FBXO34: variants seen among roughly 807,000 people sequenced by gnomAD.
FBXO34 encodes F-box only protein 34.
A neutral mutation model predicts 24.5 loss-of-function variants in FBXO34; 12 were observed. The ratio of observed to expected loss-of-function variants is 0.49; its 90% confidence interval spans 0.31 to 0.79. The LOEUF (loss-of-function observed/expected upper bound fraction) is 0.79, where lower values mean the gene tolerates loss of function less well. Among genes scored for constraint, FBXO34 ranks in the 30% least tolerant of loss-of-function variants. The pLI, the probability that FBXO34 is intolerant of heterozygous loss-of-function variation, is 0.04. For synonymous variants in FBXO34, 320 were observed against 311.9 expected (o/e 1.03, Z -0.27); for missense variants, 823 against 857.7 (o/e 0.96, Z 0.51).
chr14:55,384,875 G>A, the FBXO34 span, among the ~76,000 whole-genome samples: 1 of 152,300 alleles, frequency 6.6e-6, no homozygotes, highest in South Asian at 2.1e-4. Context: ...GCAGCATCAG[G>A]GAAGTTTAAA....
At chr14:55,441,092 C>A in the FBXO34 span, among the ~76,000 whole-genome samples, 1 of 152,104 alleles carries the variant, frequency 6.6e-6, no homozygotes, top group Non-Finnish European at 1.5e-5. Flanking sequence ...GTGATCCACC[C>A]GCCTCGGCCT....
At chr14:55,300,381 AG>A (rs1375656249) in intron 1 of FBXO34, among the ~76,000 whole-genome samples, 1 of 152,192 alleles carries the variant, frequency 6.6e-6, no homozygotes, top group Non-Finnish European at 1.5e-5. Flanking sequence ...TCACGAGGTC[AG>A]GAGTTCCAGA....
intron 1 of FBXO34, among the ~76,000 whole-genome samples, chr14:55,324,834 A>G (rs1883287220): frequency 6.6e-6 from 1 of 152,202 alleles, no homozygotes; most frequent in Non-Finnish European, 1.5e-5. Flanking sequence ...AACACCATAC[A>G]CTGGGTGGTT....
rs113024437 is a variant in FBXO34 at position 55,342,357 on chromosome 14, G to A, written c.-10-8024G>A. ...ACAATAAAGGACTTTTCTGTCGTTC[G>A]CCACTAACCCTAACCACCCAGTCCT... On this transcript the variant is annotated intron_variant, in intron 1 of 1. Coordinates refer to ENST00000313833, the MANE Select transcript of FBXO34 (RefSeq NM_017943.4). Among the ~76,000 whole-genome samples, 20 of 152,204 alleles carry A rather than the reference G, an allele frequency of 1.3e-4. No homozygotes were observed. In the South Asian group the frequency reaches 1.7e-3, roughly 13 times the overall value.
rs386381425 is a variant in FBXO34, at chr14:55,327,908, GTTTTTTTTTTTTTTTTTTT to G, written c.-10-22456_-10-22438del. Among the ~76,000 whole-genome samples, 290 of 48,766 alleles carry G rather than the reference GTTTTTTTTTTTTTTTTTTT, an allele frequency of 5.9e-3. 10 individuals are homozygous for G. In the Admixed American group the frequency reaches 0.061, roughly 10 times the overall value. 32.0% of individuals were successfully genotyped at this position (48,766 alleles called of 152,430 possible). On this transcript the variant is annotated intron_variant, in intron 1 of 1. Coordinates refer to ENST00000313833, the MANE Select transcript of FBXO34 (RefSeq NM_017943.4). ...CATATGATTTTCTTTGTTGTTGTTG[GTTTTTTTTTTTTTTTTTTT>G]TTTTTTTTTTTTTTTTGGAGACAGA...
chr14:55,355,678 A>C (rs982164635), downstream of FBXO34, among the ~76,000 whole-genome samples: 1 of 152,236 alleles, frequency 6.6e-6, no homozygotes, highest in Admixed American at 6.5e-5. Context: ...ATTTTCCATC[A>C]GAGACTTGAG....
At chr14:55,280,970 G>A (rs1179782161) in intron 1 of FBXO34, among the ~76,000 whole-genome samples, 1 of 151,734 alleles carries the variant, frequency 6.6e-6, no homozygotes, top group Non-Finnish European at 1.5e-5. Flanking sequence ...ATTAAAAAAG[G>A]AAAAAGAAAC....
intron 1 of FBXO34, among the ~76,000 whole-genome samples, chr14:55,342,645 A>G (rs567482769): frequency 3.9e-5 from 6 of 152,142 alleles, no homozygotes; most frequent in Admixed American, 1.3e-4. Context: ...GCCTCTGCCT[A>G]TATTCACACC....
chr14:55,297,461 G>C (rs150969149), intron 1 of FBXO34, among the ~76,000 whole-genome samples: 15 of 152,154 alleles, frequency 9.9e-5, no homozygotes, highest in African/African-American at 3.6e-4. Flanking sequence ...CCACTTATTA[G>C]GGTTGTTAGG....
At chr14:55,433,004 A>G in the FBXO34 span, among the ~76,000 whole-genome samples, 3 of 152,192 alleles carry the variant, frequency 2.0e-5, no homozygotes, top group Non-Finnish European at 2.9e-5. Flanking sequence ...ACTTCCCCAG[A>G]CTTATAACAC....
the FBXO34 span, chr14:55,391,156 C>T: frequency 1.3e-5 from 7 of 535,548 alleles, no homozygotes; most frequent in South Asian, 2.3e-5. Flanking sequence ...AAAAAGAGAA[C>T]GATGTTTTTC....
chr14:55,273,776 C>T (rs972620725), intron 1 of FBXO34, among the ~76,000 whole-genome samples: 7 of 152,148 alleles, frequency 4.6e-5, no homozygotes, highest in African/African-American at 1.2e-4. Context: ...GGGCCGGCTA[C>T]ACGGCTGTAT....
chr14:55,438,283 G>A, the FBXO34 span, among the ~76,000 whole-genome samples: 2 of 152,180 alleles, frequency 1.3e-5, no homozygotes, highest in East Asian at 1.9e-4. Flanking sequence ...GCAGGTGGCA[G>A]GGGTGACTAA....
At chr14:55,391,936 T>C in the FBXO34 span, among the ~76,000 whole-genome samples, 3 of 152,350 alleles carry the variant, frequency 2.0e-5, no homozygotes, top group African/African-American at 7.2e-5. Flanking sequence ...CAGAAAATTA[T>C]ATGAAACATG....
At chr14:55,276,585 C>G (rs1262404610) in intron 1 of FBXO34, among the ~76,000 whole-genome samples, 1 of 152,078 alleles carries the variant, frequency 6.6e-6, no homozygotes, top group Admixed American at 6.6e-5. Flanking sequence ...GCTCAAAATT[C>G]TCTCGGCCCC....
the FBXO34 span, chr14:55,436,496 C>G: frequency 7.4e-7 from 1 of 1,348,946 alleles, no homozygotes; most frequent in African/African-American, 1.5e-5. Context: ...AATTAGTTGT[C>G]ATCGCATTCA....
At chr14:55,383,420 G>A in the FBXO34 span, among the ~76,000 whole-genome samples, 4 of 151,890 alleles carry the variant, frequency 2.6e-5, no homozygotes. Context: ...GCGTGGTGGT[G>A]GGTGCCTGTA....
chr14:55,299,325 C>G (rs1882259865), intron 1 of FBXO34: 2 of 599,180 alleles, frequency 3.3e-6, no homozygotes. Context: ...GACTCTCACT[C>G]CAAAGCAGTA....
chr14:55,379,816 G>A, the FBXO34 span, among the ~76,000 whole-genome samples: 2 of 152,156 alleles, frequency 1.3e-5, no homozygotes, highest in South Asian at 2.1e-4. Flanking sequence ...TCCAGCTCCC[G>A]GATTCAAGCG....
Sources: gnomAD v4.1 joint callset for allele counts (sites outside exome capture counted in the v4.1 genomes callset) on GRCh38, gnomAD v4.1.1 for gene constraint, MANE v1.5 for transcripts, NCBI Gene and HGNC (gene_info 2026-07-23, HGNC 2026-07-21) for gene names.